The following PPFIA3 variants were observed in gnomAD, a reference collection of about 807,000 sequenced individuals.
The protein encoded by PPFIA3 is PPFI scaffold protein A3.
PPFIA3 carries 26 observed loss-of-function variants against 145.8 expected under a neutral mutation model. That is an observed-to-expected ratio of 0.18 (90% CI 0.13 to 0.25). The LOEUF is 0.25. Ranked by LOEUF, PPFIA3 falls within the 10% of genes least tolerant of loss-of-function variation. The probability of loss-of-function intolerance (pLI) is 1.00; values close to 1 mark genes in which losing one functional copy is unlikely to be tolerated. For synonymous variants in PPFIA3, 645 were observed against 661.4 expected (o/e 0.98, Z 0.38); for missense variants, 1,008 against 1,587.8 (o/e 0.63, Z 6.21).
In PPFIA3 at chr19:49,120,057, A is replaced by G. The variant is rs1484837443; in HGVS notation, c.-16+335A>G. 6.6e-6 allele frequency among the ~76,000 whole-genome samples: 1 copy of G among 150,932 alleles called. No individual in the cohort carries two copies. Among genetic ancestry groups the G allele is most frequent in the Non-Finnish European group, 1.5e-5 (1 of 67,720 alleles). ...CAGACACCCGCCGCGGCGGTGCCAG[A>G]CTCCCCAGACGCGTCCGCATCGTCC... On this transcript the variant is annotated intron_variant, in intron 1 of 29. Coordinates refer to ENST00000334186, the MANE Select transcript of PPFIA3 (RefSeq NM_003660.4). The surrounding 1 kb of genome is among the most constrained non-coding windows in gnomAD (Gnocchi z 4.6).
intron 13 of PPFIA3, 77 bp from the exon 14 acceptor site, chr19:49,135,702 G>A: frequency 6.9e-7 from 1 of 1,449,104 alleles, no homozygotes; most frequent in East Asian, 2.4e-5. Context: ...CCTGGCCCTA[G>A]GTCTGTCTCT....
At chr19:49,125,201 C>G (rs1210535914) in intron 1 of PPFIA3, 2 of 152,458 alleles carry the variant, frequency 1.3e-5, no homozygotes, top group African/African-American at 2.4e-5. Context: ...TTCAAACACC[C>G]AAGGGGACAG....
intron 7 of PPFIA3, among the ~76,000 whole-genome samples, chr19:49,131,028 AT>A (rs33934210): frequency 0.25 from 33,141 of 134,236 alleles, 4,831 homozygotes; most frequent in African/African-American, 0.45. Flanking sequence ...TGCACCGCTA[AT>A]TTTTTTTTTT....
chr19:49,141,842 T>C (rs2041227947), intron 19 of PPFIA3, among the ~76,000 whole-genome samples, 192 bp from the exon 20 acceptor site: 7 of 151,980 alleles, frequency 4.6e-5, no homozygotes, highest in Admixed American at 4.6e-4. Context: ...TCTCTTTTGA[T>C]AGGGGTTGGG....
At chr19:49,136,253 G>A (rs768970335) in intron 14 of PPFIA3, among the ~76,000 whole-genome samples, 101 of 152,260 alleles carry the variant, frequency 6.6e-4, no homozygotes, top group Non-Finnish European at 1.1e-3. Flanking sequence ...GGGTGTGGGC[G>A]TGGCTTGGAG....
At chr19:49,148,015 AC>A in intron 23 of PPFIA3, 67 bp from the exon 24 acceptor site, 1 of 1,476,790 alleles carries the variant, frequency 6.8e-7, no homozygotes, top group Non-Finnish European at 9.2e-7. Flanking sequence ...GTTGGACTGT[AC>A]CCCTCTCATG....
intron 7 of PPFIA3, 79 bp from the exon 8 acceptor site, chr19:49,132,922 G>A (rs1449769314): frequency 6.5e-7 from 1 of 1,541,506 alleles, no homozygotes; most frequent in African/African-American, 1.4e-5. Flanking sequence ...AGGGCACTTT[G>A]TTTCCCAGGG....
intron 13 of PPFIA3, 21 bp downstream of exon 13, chr19:49,134,936 C>T: frequency 2.6e-6 from 4 of 1,525,592 alleles, no homozygotes; most frequent in African/African-American, 2.8e-5. Context: ...CCCTTCTGCC[C>T]TGCCCCCACC....
At chr19:49,126,435 A>G (rs969693464) in intron 1 of PPFIA3, among the ~76,000 whole-genome samples, 5 of 151,556 alleles carry the variant, frequency 3.3e-5, no homozygotes, top group Middle Eastern at 3.5e-3. Context: ...TATTTTTAGT[A>G]GAGACGGGGG....
Position 49,128,649 on chromosome 19 carries a change from C to T in PPFIA3, c.342+181C>T. ...TCCCACTCTGGTGCCACTCCTTCCT[C>T]CCTGTCTCCATAACTTTTCTCTTTT... On this transcript the variant is annotated intron_variant, in intron 3 of 29. Transcript: ENST00000334186. The surrounding 1 kb of genome is among the most constrained non-coding windows in gnomAD (Gnocchi z 4.1). 1 of 742,628 alleles carries T rather than the reference C, an allele frequency of 1.3e-6. No individual in the cohort carries two copies. The highest frequency in any genetic ancestry group is 1.8e-5 in the South Asian group (1 of 55,114). 46.0% of individuals were successfully genotyped at this position (742,628 alleles called of 1,614,324 possible).
intron 7 of PPFIA3, among the ~76,000 whole-genome samples, chr19:49,132,417 AAAAG>A (rs1568436271): frequency 2.7e-5 from 4 of 149,274 alleles, no homozygotes; most frequent in South Asian, 2.1e-4. Context: ...AAAAAAAAAA[AAAAG>A]AAAGAGAGAG....
intron 13 of PPFIA3, among the ~76,000 whole-genome samples, chr19:49,135,296 C>T (rs1001683251): frequency 6.6e-6 from 1 of 152,200 alleles, no homozygotes; most frequent in South Asian, 2.1e-4. Flanking sequence ...CCCCCCTCGG[C>T]CTCCCAAAGT....
At chr19:49,129,880 C>A in intron 5 of PPFIA3, 113 bp from the exon 6 acceptor site, 2 of 1,110,384 alleles carry the variant, frequency 1.8e-6, no homozygotes, top group Non-Finnish European at 1.3e-6. Flanking sequence ...CCCAGCACGA[C>A]CGGAGGCATC....
intron 23 of PPFIA3, among the ~76,000 whole-genome samples, chr19:49,146,647 C>T (rs1458862094): frequency 6.6e-6 from 1 of 152,024 alleles, no homozygotes; most frequent in Non-Finnish European, 1.5e-5. Context: ...AAACAAGAGG[C>T]GGCCGGGCGC....
chr19:49,140,639 C>CTTTTTTT (rs4002348), intron 18 of PPFIA3, among the ~76,000 whole-genome samples: 54 of 63,832 alleles, frequency 8.5e-4, no homozygotes, highest in African/African-American at 2.6e-3. Flanking sequence ...ACTCATTTAC[C>CTTTTTTT]TTTTTTTTTT....
chr19:49,149,687 G>A lies in PPFIA3; in HGVS notation c.3495G>A (p.Pro1165=), dbSNP rs753463109. Residue 1165 remains proline, a synonymous_variant, in exon 28 of 30, where the codon CCG becomes CCA. Transcript: ENST00000334186. This position sits in a 1 kb window ranked among gnomAD's most constrained non-coding sequence, Gnocchi z 5.7. The part of the protein sequence containing the change: ...RSAAAGALGS[P]GLPLRKLQPE... Reference sequence around the variant, plus strand: ...CTGCAGCGGGAGCCCTGGGCTCTCCGGGGCTCCCTCTCCGCAAGCTGCAGC... The same window carrying A: ...CTGCAGCGGGAGCCCTGGGCTCTCCAGGGCTCCCTCTCCGCAAGCTGCAGC... The A allele has an allele frequency of 2.9e-5, 47 of 1,612,266 alleles. No homozygotes were observed. The highest frequency in any genetic ancestry group is 2.7e-5 in the African/African-American group (2 of 74,892).
Position 49,128,311 on chromosome 19 carries a change from A to C in PPFIA3, c.241-56A>C, listed in dbSNP as rs2041028589. The C allele has an allele frequency of 6.3e-7, 1 of 1,579,914 alleles. No individual in the cohort carries two copies. The highest frequency in any genetic ancestry group is 1.7e-4 in the Middle Eastern group (1 of 5,990). Reference sequence around the variant, plus strand: ...TTCAAACTTCCAGTCCCAGTGAATGAAGGAGACAGGGAAAGGATTGAGCCG... The same window carrying C: ...TTCAAACTTCCAGTCCCAGTGAATGCAGGAGACAGGGAAAGGATTGAGCCG... On this transcript the variant is annotated intron_variant, in intron 2 of 29. Transcript: ENST00000334186. The surrounding 1 kb of genome is among the most constrained non-coding windows in gnomAD (Gnocchi z 4.1).
chr19:49,138,226 G>T lies in PPFIA3; in HGVS notation c.1875G>T (p.Glu625Asp). 1 of 1,600,048 alleles carries T rather than the reference G, an allele frequency of 6.2e-7. No individual in the cohort carries two copies. The highest frequency in any genetic ancestry group is 1.1e-5 in the South Asian group (1 of 90,146). ...KEIKLIQEEKETTEQRAEELE... is the reference protein window; with the variant it reads ...KEIKLIQEEKDTTEQRAEELE... The stretch of plus-strand genomic sequence containing the variant: ...TCAGGCTGATCCAAGAGGAGAAGGA[G>T]ACAACAGAACAGAGGGCAGAGGAGC... Residue 625 changes from glutamate to aspartate, a missense_variant, in exon 16 of 30, where the codon GAG becomes GAT. Glu to Asp is a conservative substitution (Grantham distance 45). Coordinates refer to ENST00000334186, the MANE Select transcript of PPFIA3 (RefSeq NM_003660.4).
intron 22 of PPFIA3, 76 bp from the exon 23 acceptor site, chr19:49,146,090 A>G: frequency 6.2e-7 from 1 of 1,607,892 alleles, no homozygotes; most frequent in East Asian, 2.2e-5. Context: ...GGCCATCCCT[A>G]AGTCCGCTCC....
Sources: gnomAD v4.1 joint callset for allele counts (sites outside exome capture counted in the v4.1 genomes callset) on GRCh38, gnomAD v4.1.1 for gene constraint, Gnocchi (gnomAD v3.1) non-coding constraint, MANE v1.5 for transcripts, NCBI Gene and HGNC (gene_info 2026-07-23, HGNC 2026-07-21) for gene names.